HMCN2: variants seen among roughly 807,000 people sequenced by gnomAD.
The protein encoded by HMCN2 is hemicentin-2.
A neutral mutation model predicts 377.5 loss-of-function variants in HMCN2; 325 were observed. The observed-to-expected ratio is 0.86, with a 90% CI of 0.79 to 0.94. The LOEUF (loss-of-function observed/expected upper bound fraction) is 0.94, where lower values mean the gene tolerates loss of function less well. HMCN2 is among the 40% of genes least tolerant of loss of function. The pLI is 0.00. For missense variants in HMCN2, 4,543 were observed against 4,725.3 expected, an observed-to-expected ratio of 0.96 and a Z score of 1.13; for synonymous variants, 2,007 against 2,046.8, an observed-to-expected ratio of 0.98 and a Z score of 0.53.
chr9:130,322,098 C>T (rs1177047868), intron 19 of HMCN2, among the ~76,000 whole-genome samples, 167 bp downstream of exon 19: 1 of 151,666 alleles, frequency 6.6e-6, no homozygotes, highest in African/African-American at 2.4e-5. Flanking sequence ...AAAAAATACT[C>T]TCATAATACC....
At position 130,384,695 on chromosome 9, in the gene HMCN2, G is replaced by A. The variant is rs61734903; in HGVS notation, c.9003G>A (p.Thr3001=). The change falls in exon 59 of 98, where the codon ACG becomes ACA. Residue 3001 remains threonine (T), a synonymous_variant. Transcript: ENST00000683500. ...EEVFLLPGTH[T]LQLGRARLSD... ...GGCTTCCCCCGGCAGGCACCCACAC[G>A]CTGCAGCTGGGGAGAGCACGGCTGT... 41,266 of 1,302,286 alleles carry A rather than the reference G, an allele frequency of 0.032. 1,382 individuals are homozygous for A. Among genetic ancestry groups the A allele is most frequent in the African/African-American group, 0.14 (9,297 of 65,934 alleles). 80.7% of individuals were successfully genotyped at this position (1,302,286 alleles called of 1,614,324 possible). A position where few individuals can be genotyped will look rare whatever the true frequency, so the allele number is the denominator to read the frequency against.
At position 130,296,797 on chromosome 9, in the gene HMCN2, A is replaced by G. The variant is rs1554932346; in HGVS notation, c.1012+3A>G. Reference sequence around the variant, plus strand: ...CACCCTCGAGTGGCCCTTGCAAGGTACAGTACCCCGACCCTACAGACAGTG... The same window carrying G: ...CACCCTCGAGTGGCCCTTGCAAGGTGCAGTACCCCGACCCTACAGACAGTG... On this transcript the variant is annotated splice_donor_region_variant and intron_variant, in intron 7 of 97. Transcript: ENST00000683500. The G allele has an allele frequency of 4.2e-6, 2 of 470,950 alleles. No homozygotes were observed. Among genetic ancestry groups the G allele is most frequent in the Admixed American group, 2.3e-5 (1 of 42,556 alleles). The allele number at this position is 470,950 out of a possible 1,614,324, so 29.2% of individuals were successfully genotyped here.
intron 15 of HMCN2, among the ~76,000 whole-genome samples, chr9:130,313,602 C>A (rs923343436): frequency 2.1e-5 from 3 of 144,552 alleles, no homozygotes; most frequent in Non-Finnish European, 4.4e-5. Flanking sequence ...ATGTGGGCAC[C>A]CCCCCCCATA....
intron 6 of HMCN2, 31 bp downstream of exon 6, chr9:130,295,803 G>A (rs10739777): frequency 0.7 from 329,893 of 468,074 alleles, 117,626 homozygotes; most frequent in East Asian, 0.97. Flanking sequence ...GAGAAAGGTC[G>A]ACTAGCTTTA....
At chr9:130,329,024 C>T (rs1358599264) in intron 22 of HMCN2, among the ~76,000 whole-genome samples, 3 of 152,278 alleles carry the variant, frequency 2.0e-5, no homozygotes, top group East Asian at 1.9e-4. Context: ...CTGTATCATT[C>T]GCTTATTTAA....
chr9:130,345,328 G>C (rs1229391605), intron 25 of HMCN2, among the ~76,000 whole-genome samples: 1 of 134,862 alleles, frequency 7.4e-6, no homozygotes, highest in African/African-American at 3.0e-5. Context: ...TATGTATGCT[G>C]TGTGTGTGTA....
At chr9:130,425,173 A>G in intron 89 of HMCN2, 43 bp downstream of exon 89, 1 of 1,495,918 alleles carries the variant, frequency 6.7e-7, no homozygotes, top group South Asian at 1.3e-5. Flanking sequence ...GGTAGGTGAG[A>G]GAGACGAAGG....
At chr9:130,416,063 G>A (rs1398786414) in intron 85 of HMCN2, among the ~76,000 whole-genome samples, 1 of 151,580 alleles carries the variant, frequency 6.6e-6, no homozygotes, top group Non-Finnish European at 1.5e-5. Flanking sequence ...GAGGGCCAAA[G>A]GCTTCCACTG....
chr9:130,357,774 G>A, intron 34 of HMCN2, 60 bp from the exon 35 acceptor site: 2 of 1,228,664 alleles, frequency 1.6e-6, no homozygotes, highest in Non-Finnish European at 2.1e-6. Context: ...GGGTTGCTGG[G>A]TGCCCACTGT....
At chr9:130,413,464 A>G (rs1349575333) in intron 85 of HMCN2, among the ~76,000 whole-genome samples, 2 of 152,126 alleles carry the variant, frequency 1.3e-5, no homozygotes, top group Admixed American at 1.3e-4. Flanking sequence ...CATGCATGGA[A>G]TAGGTTTGTG....
Position 130,424,809 on chromosome 9 carries a change from C to T in HMCN2, c.13415C>T (p.Ala4472Val), listed in dbSNP as rs1844230070. 2.0e-6 allele frequency: 3 copies of T among 1,537,708 alleles called. No individual in the cohort carries two copies. The South Asian group carries it at 3.6e-5, about 19-fold the overall frequency. The change falls in exon 88 of 98, where the codon GCC (alanine) becomes GTC (valine). Residue 4472 changes from alanine (A) to valine (V), a missense_variant. Physicochemically the swap from Ala to Val is moderately conservative, Grantham distance 64 (BLOSUM62 0). Around this residue, in one of 5 missense-constraint regions of HMCN2, gnomAD observed 1,155 missense variants for 1,157.7 expected, o/e 1.00. Coordinates refer to ENST00000683500, the MANE Select transcript of HMCN2 (RefSeq NM_001291815.2). ...PLMRVLVVTIAPIYWALARES... is the reference protein window; with the variant it reads ...PLMRVLVVTIVPIYWALARES... The stretch of plus-strand genomic sequence containing the variant: ...ATGCGGGTGCTCGTGGTCACCATCG[C>T]CCCCATCTACTGGGCCCTGGCCAGA...
At chr9:130,425,952 C>A (rs972079287) in intron 90 of HMCN2, 28 bp downstream of exon 90, 13 of 1,501,406 alleles carry the variant, frequency 8.7e-6, no homozygotes, top group Non-Finnish European at 1.2e-5. Context: ...TGTTCCACCC[C>A]CACTGCCCCA....
At chr9:130,294,636 C>T (rs1406622910) in intron 4 of HMCN2, among the ~76,000 whole-genome samples, 1 of 152,204 alleles carries the variant, frequency 6.6e-6, no homozygotes, top group Non-Finnish European at 1.5e-5. Flanking sequence ...TTGCTCCTTC[C>T]CTCTGTGCTG....
intron 84 of HMCN2, 99 bp from the exon 85 acceptor site, chr9:130,410,472 C>A: frequency 9.3e-7 from 1 of 1,080,356 alleles, no homozygotes; most frequent in Non-Finnish European, 1.4e-6. Flanking sequence ...ACAGCCTAAG[C>A]CCCTTGCTGG....
chr9:130,283,431 C>G (rs1187756338), intron 1 of HMCN2, among the ~76,000 whole-genome samples: 1 of 150,408 alleles, frequency 6.6e-6, no homozygotes, highest in East Asian at 1.9e-4. Context: ...CCACCCCCCA[C>G]TCAGTGACGA....
intron 37 of HMCN2, among the ~76,000 whole-genome samples, chr9:130,359,836 C>G (rs1739105756): frequency 6.6e-6 from 1 of 152,146 alleles, no homozygotes; most frequent in South Asian, 2.1e-4. Context: ...CTCTCCTGCT[C>G]CCATCTGAAC....
At chr9:130,342,710 C>A (rs1215168176) in intron 25 of HMCN2, among the ~76,000 whole-genome samples, 1 of 152,166 alleles carries the variant, frequency 6.6e-6, no homozygotes, top group Non-Finnish European at 1.5e-5. Context: ...AAGTGTGACC[C>A]CTGCCCTGCC....
chr9:130,275,596 C>A (rs1226310852), intron 1 of HMCN2, among the ~76,000 whole-genome samples: 1 of 152,076 alleles, frequency 6.6e-6, no homozygotes, highest in Non-Finnish European at 1.5e-5. Context: ...ATTACAGGTG[C>A]CTGCCACCAT....
At position 130,390,969 on chromosome 9, in the gene HMCN2, T is replaced by C. The variant is rs1842287585; in HGVS notation, c.9524-8T>C. ...CTGGGGGATTCAGGGGACCCCTCTG[T>C]CCCACAGAGAGCAGCGCGGTGCACG... On this transcript the variant is annotated splice_region_variant and splice_polypyrimidine_tract_variant and intron_variant, in intron 62 of 97. Transcript: ENST00000683500. The C allele has an allele frequency of 1.0e-6, 1 of 986,616 alleles. No homozygotes were observed. The highest frequency in any genetic ancestry group is 1.7e-5 in the African/African-American group (1 of 57,358). The allele number at this position is 986,616 out of a possible 1,614,324, so 61.1% of individuals were successfully genotyped here.
Sources: gnomAD v4.1 joint callset for allele counts (sites outside exome capture counted in the v4.1 genomes callset) on GRCh38, gnomAD v4.1.1 for gene constraint, gnomAD v4.1.1 regional missense constraint, MANE v1.5 for transcripts, NCBI Gene and HGNC (gene_info 2026-07-23, HGNC 2026-07-21) for gene names.